The following IPCEF1 variants were observed in gnomAD, a reference collection of about 807,000 sequenced individuals.
IPCEF1 encodes interactor protein for cytohesin exchange factors 1.
IPCEF1 carries 31 observed loss-of-function variants against 50.9 expected under a neutral mutation model. The observed-to-expected ratio is 0.61, with a 90% CI of 0.46 to 0.82. The LOEUF is 0.82. Ranked by LOEUF, IPCEF1 falls within the 40% of genes least tolerant of loss-of-function variation. The probability of loss-of-function intolerance (pLI) is 0.00; values close to 1 mark genes in which losing one functional copy is unlikely to be tolerated. For missense variants in IPCEF1, 458 were observed against 514.0 expected (o/e 0.89, Z 1.05); for synonymous variants, 181 against 192.0 (o/e 0.94, Z 0.47).
chr6:154,178,957 C>A (rs1399079774), intron 10 of IPCEF1, among the ~76,000 whole-genome samples: 1 of 152,122 alleles, frequency 6.6e-6, no homozygotes, highest in Non-Finnish European at 1.5e-5. Flanking sequence ...AAGAAAATAC[C>A]CTTATTGGCT....
intron 1 of IPCEF1, among the ~76,000 whole-genome samples, chr6:154,333,826 T>C (rs1783731450): frequency 6.6e-6 from 1 of 152,012 alleles, no homozygotes; most frequent in Non-Finnish European, 1.5e-5. Context: ...AATATATATA[T>C]ACATATTTAC....
chr6:154,350,188 T>C (rs1456020588), intron 1 of IPCEF1, among the ~76,000 whole-genome samples: 1 of 152,238 alleles, frequency 6.6e-6, no homozygotes, highest in Non-Finnish European at 1.5e-5. Flanking sequence ...TACACTTAAA[T>C]TGCAGCCTTA....
At chr6:154,234,846 A>T (rs1779989155) in intron 5 of IPCEF1, among the ~76,000 whole-genome samples, 1 of 152,232 alleles carries the variant, frequency 6.6e-6, no homozygotes, top group African/African-American at 2.4e-5. Context: ...ATGTAATTTT[A>T]AAAAATGATT....
chr6:154,171,557 T>C (rs1325425542), intron 10 of IPCEF1, among the ~76,000 whole-genome samples: 2 of 152,222 alleles, frequency 1.3e-5, no homozygotes, highest in Non-Finnish European at 2.9e-5. Flanking sequence ...TGATGACAGC[T>C]GCACAATTCC....
Position 154,277,395 on chromosome 6 carries a change from G to A in IPCEF1, c.-17-11431C>T, listed in dbSNP as rs150334127. 8.8e-3 allele frequency among the ~76,000 whole-genome samples: 1,334 copies of A among 152,258 alleles called. 24 individuals carry two copies. Among genetic ancestry groups the A allele is most frequent in the African/African-American group, 0.03 (1,248 of 41,550 alleles). ...GACACAATCCACATAAGCGAATGCCGTCAAGAATAGATTTGCTTTCTCTGA... is the reference window on the plus strand; with the variant it reads ...GACACAATCCACATAAGCGAATGCCATCAAGAATAGATTTGCTTTCTCTGA... On this transcript the variant is annotated intron_variant, in intron 2 of 11. Transcript: ENST00000367220.
intron 5 of IPCEF1, among the ~76,000 whole-genome samples, chr6:154,238,200 T>G (rs568408326): frequency 6.6e-6 from 1 of 152,308 alleles, no homozygotes; most frequent in African/African-American, 2.4e-5. Flanking sequence ...AAACAAATGC[T>G]TGGAAACACA....
At chr6:154,171,917 C>T (rs188887026) in intron 10 of IPCEF1, among the ~76,000 whole-genome samples, 80 of 152,260 alleles carry the variant, frequency 5.3e-4, no homozygotes, top group Admixed American at 1.3e-4. Context: ...AAACACATAG[C>T]TTTCAATACC....
intron 10 of IPCEF1, among the ~76,000 whole-genome samples, chr6:154,195,411 T>A (rs966837458): frequency 1.3e-5 from 2 of 152,168 alleles, no homozygotes; most frequent in Non-Finnish European, 2.9e-5. Flanking sequence ...CCTCCCAAAG[T>A]GCTGGGATTA....
chr6:154,236,605 G>A (rs77801263), intron 5 of IPCEF1, among the ~76,000 whole-genome samples: 1,942 of 152,292 alleles, frequency 0.013, 48 homozygotes, highest in African/African-American at 0.044. Flanking sequence ...ATTTGTCAGT[G>A]AAGAATGAAA....
At chr6:154,170,057 T>C (rs2128555749) in intron 10 of IPCEF1, among the ~76,000 whole-genome samples, 1 of 152,322 alleles carries the variant, frequency 6.6e-6, no homozygotes, top group Admixed American at 6.5e-5. Flanking sequence ...TAAGCTACCC[T>C]GGCTTTGGTT....
At position 154,199,680 on chromosome 6, in the gene IPCEF1, T is replaced by C. The variant is rs773455218; in HGVS notation, c.898A>G (p.Ile300Val). The change falls in exon 10 of 12, where the codon ATC becomes GTC. Residue 300 changes from isoleucine (I) to valine (V), a missense_variant. Transcript: ENST00000367220. ...TVPDKPAGSK[I>V]MDKEETKVSE... is the part of the protein sequence containing the mutation. The stretch of plus-strand genomic sequence containing the variant: ...TTTATTGGTTTACCTTTGTCCATGA[T>C]CTTTGATCCAGCAGGCTTATCTGGG... 6.2e-7 allele frequency: 1 copy of C among 1,607,134 alleles called. No individual in the cohort carries two copies. Among genetic ancestry groups the C allele is most frequent in the Non-Finnish European group, 8.5e-7 (1 of 1,175,818 alleles).
intron 1 of IPCEF1, among the ~76,000 whole-genome samples, chr6:154,356,086 A>G (rs959735554): frequency 6.6e-6 from 1 of 152,230 alleles, no homozygotes; most frequent in Non-Finnish European, 1.5e-5. Context: ...TCAGTGGGTT[A>G]TAATTCTGAC....
chr6:154,332,728 G>T (rs1413267997), intron 1 of IPCEF1, among the ~76,000 whole-genome samples: 1 of 152,138 alleles, frequency 6.6e-6, no homozygotes, highest in Admixed American at 6.5e-5. Flanking sequence ...TGTCAGCACA[G>T]CTATCCTCCA....
At chr6:154,185,018 T>TA (rs1179940927) in intron 10 of IPCEF1, among the ~76,000 whole-genome samples, 7 of 152,136 alleles carry the variant, frequency 4.6e-5, no homozygotes, top group Non-Finnish European at 7.4e-5. Flanking sequence ...TCCTAAAAAG[T>TA]AAAAAAATCA....
At chr6:154,223,778 C>G (rs1779044858) in intron 5 of IPCEF1, among the ~76,000 whole-genome samples, 1 of 152,210 alleles carries the variant, frequency 6.6e-6, no homozygotes, top group African/African-American at 2.4e-5. Context: ...AGTCACTCAA[C>G]AAACATTATT....
At chr6:154,332,291 T>G (rs1407184068) in intron 1 of IPCEF1, among the ~76,000 whole-genome samples, 4 of 56,302 alleles carry the variant, frequency 7.1e-5, no homozygotes, top group South Asian at 5.1e-4. Flanking sequence ...GTGAGTGGTT[T>G]TTTTTTTTTT....
At chr6:154,245,214 G>A (rs1780930542) in intron 5 of IPCEF1, among the ~76,000 whole-genome samples, 1 of 151,992 alleles carries the variant, frequency 6.6e-6, no homozygotes, top group Non-Finnish European at 1.5e-5. Flanking sequence ...GTGGAAAACT[G>A]CACACTCTGC....
chr6:154,263,256 T>C (rs1482345106), intron 3 of IPCEF1, among the ~76,000 whole-genome samples: 1 of 151,508 alleles, frequency 6.6e-6, no homozygotes, highest in East Asian at 1.9e-4. Context: ...TATTTATTTA[T>C]TTTTTTTAAT....
intron 2 of IPCEF1, among the ~76,000 whole-genome samples, chr6:154,280,629 A>G (rs1334928588): frequency 6.6e-6 from 1 of 152,226 alleles, no homozygotes; most frequent in Non-Finnish European, 1.5e-5. Flanking sequence ...AAGCTAGATC[A>G]TAGTGTTTAG....
Sources: allele counts gnomAD v4.1 joint callset (sites outside exome capture counted in the v4.1 genomes callset), GRCh38; gene constraint gnomAD v4.1.1; transcripts MANE v1.5; gene names NCBI Gene and HGNC (gene_info 2026-07-23, HGNC 2026-07-21).